MED24: variants seen among roughly 807,000 people sequenced by gnomAD.
MED24 encodes mediator complex subunit 24, also known as mediator of RNA polymerase II transcription subunit 24.
Under a neutral mutation model 118.8 loss-of-function variants are expected in MED24, and 74 were observed. That is an observed-to-expected ratio of 0.62 (90% CI 0.52 to 0.76). The LOEUF (loss-of-function observed/expected upper bound fraction) is 0.76. Among genes scored for constraint, MED24 ranks in the 30% least tolerant of loss-of-function variants. The pLI, the probability that MED24 is intolerant of heterozygous loss-of-function variation, is 0.00. For missense variants in MED24, 1,041 were observed against 1,278.9 expected (o/e 0.81, Z 2.84); for synonymous variants, 521 against 523.9 (o/e 0.99, Z 0.08).
rs1382719746 is a variant in MED24, at chr17:40,046,942, A to T, written c.213+6356T>A. ...GGCAACATAGGAAGATCCCATCTTT[A>T]CAAAAAAATTTAAAAATTAGCCAGG... On this transcript the variant is annotated intron_variant, in intron 3 of 25. Transcript: ENST00000394128. Among the ~76,000 whole-genome samples the T allele has an allele frequency of 2.6e-5, 4 of 152,074 alleles. No homozygotes were observed. In the East Asian group the frequency reaches 5.8e-4, roughly 22 times the overall value.
chr17:40,050,151 CA>C (rs530636875), intron 3 of MED24, among the ~76,000 whole-genome samples: 33,854 of 74,146 alleles, frequency 0.46, 4,840 homozygotes, highest in Middle Eastern at 0.59. Flanking sequence ...AACTCCGTCT[CA>C]AAAAAAAAAA....
chr17:40,022,392 AC>A lies in MED24; in HGVS notation c.2523+1del. ...GCCGGCGAGGGCAGCTGGGGGGCCT[AC>A]CTCAATGTCTTCGCGGTGTCTCTTC... On this transcript the variant is annotated splice_donor_variant, in intron 22 of 25. Coordinates refer to ENST00000394128, the MANE Select transcript of MED24 (RefSeq NM_014815.4). LOFTEE classifies it high-confidence loss of function. The A allele has an allele frequency of 6.2e-7, 1 of 1,606,140 alleles. No homozygotes were observed. The highest frequency in any genetic ancestry group is 1.1e-5 in the South Asian group (1 of 89,568).
chr17:40,049,710 A>G (rs2144994350), intron 3 of MED24, among the ~76,000 whole-genome samples: 1 of 151,682 alleles, frequency 6.6e-6, no homozygotes, highest in Admixed American at 6.6e-5. Context: ...TATTTTTAGT[A>G]GAGACGGGGT....
Position 40,033,736 on chromosome 17 carries a change from A to G in MED24, c.560-280T>C. The G allele has an allele frequency of 1.7e-6, 1 of 573,396 alleles. No homozygotes were observed. Among genetic ancestry groups the G allele is most frequent in the Non-Finnish European group, 3.3e-6 (1 of 303,332 alleles). 35.5% of individuals were successfully genotyped at this position (573,396 alleles called of 1,614,324 possible). A position where few individuals can be genotyped will look rare whatever the true frequency, so the allele number is the denominator to read the frequency against. The stretch of plus-strand genomic sequence containing the variant: ...AGAAGGTATGGCATCACACAGGCTC[A>G]GGAGAGAGAGGCAGAGGGAGGCCAG... On this transcript the variant is annotated intron_variant, in intron 6 of 25. Coordinates refer to ENST00000394128, the MANE Select transcript of MED24 (RefSeq NM_014815.4). The surrounding 1 kb of genome is among the most constrained non-coding windows in gnomAD (Gnocchi z 5.2).
chr17:40,025,479 G>C (rs1446022332), intron 19 of MED24, among the ~76,000 whole-genome samples: 1 of 152,118 alleles, frequency 6.6e-6, no homozygotes, highest in African/African-American at 2.4e-5. Context: ...AAAGTATAAA[G>C]TAGTCAAATT....
rs1192121070 is a variant in MED24, at chr17:40,027,452, G to A, written c.1461C>T (p.Ser487=). The A allele has an allele frequency of 3.1e-6, 5 of 1,612,134 alleles. No homozygotes were observed. The highest frequency in any genetic ancestry group is 2.2e-5 in the East Asian group (1 of 44,814). Residue 487 remains serine (S), a synonymous_variant, in exon 16 of 26, where the codon TCC becomes TCT. Coordinates refer to ENST00000394128, the MANE Select transcript of MED24 (RefSeq NM_014815.4). ...AGATGTCAAACAGCAGGGCCCGGAC[G>A]GAGGCCGGTTTGGCTGTGGAAGGAC... The part of the protein sequence containing the change: ...YGSEESTKPA[S]VRALLFDISF...
At position 40,019,513 on chromosome 17, in the gene MED24, G is replaced by A. The variant is rs376195177; in HGVS notation, c.*16C>T. 5.0e-6 allele frequency: 8 copies of A among 1,606,546 alleles called. No individual in the cohort carries two copies. Among genetic ancestry groups the A allele is most frequent in the East Asian group, 4.5e-5 (2 of 44,834 alleles). Reference sequence around the variant, plus strand: ...TGCGCCAGTCCCCAGCCCCCACTGCGGCCATGCCAAGCCCCTCAGAGTGCA... The same window carrying A: ...TGCGCCAGTCCCCAGCCCCCACTGCAGCCATGCCAAGCCCCTCAGAGTGCA... On this transcript the variant is annotated 3_prime_UTR_variant, in exon 26 of 26. Transcript: ENST00000394128.
chr17:40,035,817 T>C lies in MED24; in HGVS notation c.253-22A>G, dbSNP rs575292082. On this transcript the variant is annotated intron_variant, in intron 4 of 25. Transcript: ENST00000394128. The stretch of plus-strand genomic sequence containing the variant: ...CAAACTGTGGAAAGGACAGTGGAGA[T>C]GCTACGGAATGCCTCCATCCACCCC... The C allele has an allele frequency of 1.9e-6, 3 of 1,604,818 alleles. No homozygotes were observed. The African/African-American group carries it at 4.0e-5, about 21-fold the overall frequency.
rs372729724 is a variant in MED24 at position 40,048,873 on chromosome 17, A to G, written c.213+4425T>C. 4.0e-3 allele frequency among the ~76,000 whole-genome samples: 613 copies of G among 152,248 alleles called. 3 individuals are homozygous for G. Among genetic ancestry groups the G allele is most frequent in the African/African-American group, 0.014 (589 of 41,558 alleles). ...CCTGGCCAATAATATATATGTTTTA[A>G]TATTTGAAGAAATTTATTCTGAGTC... On this transcript the variant is annotated intron_variant, in intron 3 of 25. Transcript: ENST00000394128.
intron 15 of MED24, 40 bp downstream of exon 15, chr17:40,027,869 C>G: frequency 6.2e-7 from 1 of 1,605,380 alleles, no homozygotes; most frequent in Non-Finnish European, 8.5e-7. Flanking sequence ...CACCCCTCCT[C>G]AGGGCCCACT....
intron 3 of MED24, among the ~76,000 whole-genome samples, chr17:40,041,043 C>T (rs536716071): frequency 4.6e-5 from 7 of 152,148 alleles, no homozygotes; most frequent in Admixed American, 2.6e-4. Flanking sequence ...CCACCACGCC[C>T]GGACAACATA....
intron 3 of MED24, among the ~76,000 whole-genome samples, chr17:40,046,209 C>A (rs1345116825): frequency 6.7e-6 from 1 of 150,186 alleles, no homozygotes; most frequent in Non-Finnish European, 1.5e-5. Context: ...CTCAGCCTCC[C>A]GAGTAGCTGG....
chr17:40,031,480 CA>C, intron 11 of MED24, 57 bp downstream of exon 11: 2 of 1,512,306 alleles, frequency 1.3e-6, no homozygotes, highest in Non-Finnish European at 9.2e-7. Flanking sequence ...GCACAGAGAT[CA>C]GGGGAAGAGC....
chr17:40,035,094 C>T (rs774414947), intron 6 of MED24, 23 bp downstream of exon 6: 11 of 1,612,736 alleles, frequency 6.8e-6, no homozygotes, highest in Non-Finnish European at 9.3e-6. Context: ...GCAGGTGGGG[C>T]TCAGGGGAAT....
chr17:40,022,716 G>T lies in MED24; in HGVS notation c.2361C>A (p.Ile787=), dbSNP rs1017465396. The part of the protein sequence containing the change: ...QQVTLVLLGH[I]LPGLLTDSSK... ...AGGAGTCAGTGAGCAGGCCAGGTAG[G>T]ATGTGGCCCAGCAGGACCAGGGTCA... The change falls in exon 21 of 26, where the codon ATC becomes ATA. Residue 787 remains isoleucine (I), a synonymous_variant. Coordinates refer to ENST00000394128, the MANE Select transcript of MED24 (RefSeq NM_014815.4). The T allele has an allele frequency of 5.6e-6, 9 of 1,613,868 alleles. No homozygotes were observed. The highest frequency in any genetic ancestry group is 2.7e-5 in the African/African-American group (2 of 74,908).
intron 19 of MED24, among the ~76,000 whole-genome samples, chr17:40,024,545 C>CATAA (rs928529209): frequency 1.3e-5 from 2 of 151,918 alleles, no homozygotes; most frequent in South Asian, 2.1e-4. Context: ...AAAATAAGTA[C>CATAA]ATAAATAAAT....
At position 40,026,762 on chromosome 17, in the gene MED24, G is replaced by C; in HGVS notation, c.1710-16C>G. On this transcript the variant is annotated splice_polypyrimidine_tract_variant and intron_variant, in intron 17 of 25. Coordinates refer to ENST00000394128, the MANE Select transcript of MED24 (RefSeq NM_014815.4). ...CTTCATCTGCCTGCGGGTGTGCAGA[G>C]AAGTCAGCACAGGGGAGCAAGGAAC... The C allele has an allele frequency of 6.2e-7, 1 of 1,611,110 alleles. No homozygotes were observed. The highest frequency in any genetic ancestry group is 1.1e-5 in the South Asian group (1 of 90,530).
intron 3 of MED24, among the ~76,000 whole-genome samples, chr17:40,041,406 T>C (rs1343378765): frequency 6.6e-6 from 1 of 152,198 alleles, no homozygotes; most frequent in Non-Finnish European, 1.5e-5. Context: ...GTTTAGTCAC[T>C]TCTTTGCTCA....
rs571672613 is a variant in MED24 at position 40,020,075 on chromosome 17, A to G, written c.2705-142T>C. Reference sequence around the variant, plus strand: ...AAATGGGGTGTCAGAGAGAGAAAATATAAAAGGCAATTGGGGAGGGGAGGA... The same window carrying G: ...AAATGGGGTGTCAGAGAGAGAAAATGTAAAAGGCAATTGGGGAGGGGAGGA... On this transcript the variant is annotated intron_variant, in intron 24 of 25. Coordinates refer to ENST00000394128, the MANE Select transcript of MED24 (RefSeq NM_014815.4). 15 of 1,133,656 alleles carry G rather than the reference A, an allele frequency of 1.3e-5. No individual in the cohort carries two copies. In the South Asian group the frequency reaches 1.8e-4, roughly 13 times the overall value. The allele number at this position is 1,133,656 out of a possible 1,614,324, so 70.2% of individuals were successfully genotyped here.
Sources: allele counts gnomAD v4.1 joint callset (sites outside exome capture counted in the v4.1 genomes callset), GRCh38; gene constraint gnomAD v4.1.1; non-coding constraint Gnocchi (gnomAD v3.1); transcripts MANE v1.5; gene names NCBI Gene and HGNC (gene_info 2026-07-23, HGNC 2026-07-21).